Variants in TTC23 observed in about 807,000 individuals in gnomAD.
TTC23 encodes the protein tetratricopeptide repeat protein 23.
Under a neutral mutation model 55.1 loss-of-function variants are expected in TTC23, and 58 were observed. That is an observed-to-expected ratio of 1.05 (90% CI 0.85 to 1.31). The LOEUF is 1.31. TTC23 is among the 50% of genes most tolerant of loss of function. The probability of loss-of-function intolerance (pLI) is 0.00; values close to 1 mark genes in which losing one functional copy is unlikely to be tolerated. For synonymous variants in TTC23, 203 were observed against 199.9 expected, an observed-to-expected ratio of 1.02 and a Z score of -0.13; for missense variants, 516 against 534.4, an observed-to-expected ratio of 0.97 and a Z score of 0.34.
chr15:99,148,279 T>A (rs1161371199), intron 12 of TTC23, among the ~76,000 whole-genome samples: 1 of 136,082 alleles, frequency 7.3e-6, no homozygotes. Flanking sequence ...GGGAATCGCT[T>A]GAACCCGGGA....
intron 9 of TTC23, among the ~76,000 whole-genome samples, chr15:99,181,416 T>C (rs1443478753): frequency 1.3e-5 from 2 of 152,124 alleles, no homozygotes; most frequent in Admixed American, 6.6e-5. Context: ...AAGCGGCAGA[T>C]GGTGGATAGA....
upstream of TTC23, chr15:99,251,188 G>C (rs1051765145): frequency 3.9e-5 from 6 of 152,396 alleles, no homozygotes; most frequent in African/African-American, 1.4e-4. Flanking sequence ...CCACTCCGTC[G>C]ACATCAAACC....
chr15:99,201,740 G>A (rs1049686895), intron 8 of TTC23, among the ~76,000 whole-genome samples: 4 of 152,166 alleles, frequency 2.6e-5, no homozygotes, highest in Non-Finnish European at 5.9e-5. Context: ...ATTAATAGGC[G>A]ACCCAGTAAT....
At chr15:99,154,159 C>T (rs967349633) in intron 12 of TTC23, among the ~76,000 whole-genome samples, 37 of 152,234 alleles carry the variant, frequency 2.4e-4, no homozygotes, top group Admixed American at 6.5e-4. Flanking sequence ...CCAAAGAATG[C>T]GGAGTTTCAA....
intron 9 of TTC23, among the ~76,000 whole-genome samples, chr15:99,197,092 G>C (rs1182397261): frequency 1.3e-5 from 2 of 151,148 alleles, no homozygotes; most frequent in African/African-American, 2.4e-5. Context: ...GCTATATAAT[G>C]TGGTTTCTGT....
At chr15:99,230,461 T>C (rs2078846315) in intron 4 of TTC23, among the ~76,000 whole-genome samples, 1 of 152,028 alleles carries the variant, frequency 6.6e-6, no homozygotes, top group South Asian at 2.1e-4. Flanking sequence ...CCAATATTTT[T>C]CCAAATTTAA....
chr15:99,165,543 C>G (rs1016629453), intron 10 of TTC23, among the ~76,000 whole-genome samples: 1 of 152,262 alleles, frequency 6.6e-6, no homozygotes, highest in African/African-American at 2.4e-5. Flanking sequence ...GAATTGCACT[C>G]AGTGCCAGCT....
chr15:99,194,552 CAAAAA>C (rs760038465), intron 9 of TTC23, among the ~76,000 whole-genome samples: 5 of 40,478 alleles, frequency 1.2e-4, no homozygotes, highest in Non-Finnish European at 2.5e-4. Flanking sequence ...ACATCACGTG[CAAAAA>C]AAAAAAAAAA....
chr15:99,161,839 G>C lies in TTC23; in HGVS notation c.894C>G (p.Ser298Arg), dbSNP rs775232811. ...CTTCAGAATCCTTAAGATGAGCCAT[G>C]CTCTCTTGAAAATACTGCTCAGCTA... ...HDVAEQYFQE[S>R]MAHLKDSEGM... The change falls in exon 11 of 14, where the codon AGC becomes AGG. Residue 298 changes from serine (S) to arginine (R), a missense_variant. By Grantham distance (110) the Ser-to-Arg change is moderately radical (BLOSUM62 -1). Transcript: ENST00000394132. 1 of 1,611,340 alleles carries C rather than the reference G, an allele frequency of 6.2e-7. No individual in the cohort carries two copies. Among genetic ancestry groups the C allele is most frequent in the Non-Finnish European group, 8.5e-7 (1 of 1,179,374 alleles).
intron 10 of TTC23, among the ~76,000 whole-genome samples, chr15:99,164,181 T>G (rs750526229): frequency 6.6e-6 from 1 of 152,200 alleles, no homozygotes; most frequent in Non-Finnish European, 1.5e-5. Flanking sequence ...GTTGGCAAAC[T>G]TATTCTGTAA....
At chr15:99,139,611 C>T (rs1404860082) in intron 12 of TTC23, 1 of 1,523,554 alleles carries the variant, frequency 6.6e-7, no homozygotes, top group Non-Finnish European at 8.8e-7. Context: ...CACTATTTCA[C>T]AAAACTCTCT....
chr15:99,139,912 C>G, intron 12 of TTC23: 1 of 403,346 alleles, frequency 2.5e-6, no homozygotes, highest in South Asian at 2.4e-5. Flanking sequence ...TGATTTCTCC[C>G]TTCTGCTTAC....
intron 9 of TTC23, among the ~76,000 whole-genome samples, chr15:99,196,529 C>T (rs1353472360): frequency 2.0e-5 from 3 of 152,160 alleles, no homozygotes; most frequent in Non-Finnish European, 4.4e-5. Flanking sequence ...AGCCACACAG[C>T]GACCTAGGCC....
intron 3 of TTC23, among the ~76,000 whole-genome samples, chr15:99,240,799 C>T (rs2079717971): frequency 6.6e-6 from 1 of 152,216 alleles, no homozygotes; most frequent in South Asian, 2.1e-4. Flanking sequence ...GCACCACTGA[C>T]TATAAAGATG....
chr15:99,226,954 C>A (rs2078495474), intron 5 of TTC23, among the ~76,000 whole-genome samples: 1 of 152,208 alleles, frequency 6.6e-6, no homozygotes, highest in Non-Finnish European at 1.5e-5. Flanking sequence ...GGATTCTTCA[C>A]CAGAACCACA....
In TTC23 at chr15:99,221,758, C is replaced by A; in HGVS notation, c.287G>T (p.Gly96Val). The change falls in exon 6 of 14, where the codon GGC (glycine) becomes GTC (valine). Residue 96 changes from glycine (G) to valine (V), a missense_variant. Coordinates refer to ENST00000394132, the MANE Select transcript of TTC23 (RefSeq NM_001288615.3). ...LAEAHVNLAQ[G>V]YLQLKGLSLQ... ...GAGCTTACCTTTCAGCTGGAGGTAG[C>A]CTTGAGCCAGATTAACATGTGCCTC... 6.2e-7 allele frequency: 1 copy of A among 1,614,022 alleles called. No individual in the cohort carries two copies. Among genetic ancestry groups the A allele is most frequent in the Non-Finnish European group, 8.5e-7 (1 of 1,179,932 alleles).
intron 4 of TTC23, among the ~76,000 whole-genome samples, chr15:99,229,915 A>T (rs1471592754): frequency 6.6e-6 from 1 of 152,238 alleles, no homozygotes; most frequent in Non-Finnish European, 1.5e-5. Context: ...ACCTAAAAGG[A>T]TCAAACTGTT....
intron 9 of TTC23, among the ~76,000 whole-genome samples, chr15:99,179,798 T>G (rs924712394): frequency 2.0e-5 from 3 of 151,914 alleles, no homozygotes; most frequent in African/African-American, 7.3e-5. Flanking sequence ...CAGAAGAACC[T>G]CCATGGAACA....
At chr15:99,228,384 A>G (rs1158070853) in intron 5 of TTC23, 149 bp downstream of exon 5, 2 of 611,440 alleles carry the variant, frequency 3.3e-6, no homozygotes, top group East Asian at 2.9e-5. Context: ...TACTGCATTC[A>G]TTCATGTTAT....
Sources: gnomAD v4.1 joint callset for allele counts (sites outside exome capture counted in the v4.1 genomes callset) on GRCh38, gnomAD v4.1.1 for gene constraint, MANE v1.5 for transcripts, NCBI Gene and HGNC (gene_info 2026-07-23, HGNC 2026-07-21) for gene names.